VPS13C: variants seen among roughly 807,000 people sequenced by gnomAD.
VPS13C encodes the protein intermembrane lipid transfer protein VPS13C.
In VPS13C, 358 loss-of-function variants were observed where a neutral mutation model predicts 456.8. The observed-to-expected ratio is 0.78, with a 90% confidence interval of 0.72 to 0.86. VPS13C has a LOEUF of 0.86. Ranked by LOEUF, VPS13C falls within the 40% of genes least tolerant of loss-of-function variation. The pLI is 0.00. For missense variants in VPS13C, 4,818 were observed against 4,385.4 expected, an observed-to-expected ratio of 1.10 and a Z score of -2.79; for synonymous variants, 1,578 against 1,486.7, an observed-to-expected ratio of 1.06 and a Z score of -1.41.
chr15:62,033,384 T>C (rs140719173), intron 5 of VPS13C, 57 bp downstream of exon 5: 1 of 1,155,480 alleles, frequency 8.7e-7, no homozygotes, highest in Non-Finnish European at 1.2e-6. Flanking sequence ...CTTTAAAGGA[T>C]ATTAATTATA....
At chr15:61,981,651 G>A (rs371259770) in intron 21 of VPS13C, among the ~76,000 whole-genome samples, 173 bp from the exon 22 acceptor site, 1 of 152,188 alleles carries the variant, frequency 6.6e-6, no homozygotes, top group East Asian at 1.9e-4. Context: ...ACGAGGTCAG[G>A]AGATCGAGAC....
At chr15:62,041,830 A>C (rs1030680287) in intron 2 of VPS13C, among the ~76,000 whole-genome samples, 1 of 152,130 alleles carries the variant, frequency 6.6e-6, no homozygotes, top group Admixed American at 6.5e-5. Context: ...AAAAAAAAAA[A>C]TTATAACTTA....
intron 3 of VPS13C, among the ~76,000 whole-genome samples, chr15:62,037,461 T>TAATATAATAAAATTATTATATTGTAAG (rs2048097308): frequency 1.2e-5 from 1 of 81,746 alleles, no homozygotes. Context: ...TATATAAATA[T>TAATATAATAAAATTATTATATTGTAAG]AATATAATAA....
chr15:61,865,364 C>T, intron 81 of VPS13C: 1 of 980,218 alleles, frequency 1.0e-6, no homozygotes, highest in Non-Finnish European at 1.2e-6. Flanking sequence ...TGTAATGTCA[C>T]CTCAATAGAT....
intron 1 of VPS13C, among the ~76,000 whole-genome samples, chr15:62,052,466 G>A (rs968710017): frequency 6.6e-6 from 1 of 151,956 alleles, no homozygotes; most frequent in African/African-American, 2.4e-5. Context: ...ACAAGGTCAG[G>A]AGATCAAGAC....
chr15:62,013,916 T>G lies in VPS13C; in HGVS notation c.744+17A>C. On this transcript the variant is annotated intron_variant, in intron 10 of 84. Transcript: ENST00000644861. Reference sequence around the variant, plus strand: ...GCACCTAGGAAACTAACAAAAATTTTTATTCCAACATAATACCTTGTATAT... The same window carrying G: ...GCACCTAGGAAACTAACAAAAATTTGTATTCCAACATAATACCTTGTATAT... The G allele has an allele frequency of 6.3e-7, 1 of 1,583,786 alleles. No individual in the cohort carries two copies. The highest frequency in any genetic ancestry group is 8.6e-7 in the Non-Finnish European group (1 of 1,162,068).
At position 61,858,116 on chromosome 15, in the gene VPS13C, C is replaced by T. The variant is rs560252082; in HGVS notation, c.10953-1707G>A. ...GGCTGTCACAAATCCTCGTGCCAAA[C>T]ACAATTCACTATTCCAAATATCTTT... On this transcript the variant is annotated intron_variant, in intron 82 of 84. Coordinates refer to ENST00000644861, the MANE Select transcript of VPS13C (RefSeq NM_020821.3). This position sits in a 1 kb window ranked among gnomAD's most constrained non-coding sequence, Gnocchi z 4.4. 2.0e-4 allele frequency among the ~76,000 whole-genome samples: 30 copies of T among 152,284 alleles called. No homozygotes were observed. The highest frequency in any genetic ancestry group is 3.8e-4 in the Non-Finnish European group (26 of 68,024).
chr15:61,895,747 A>T (rs1429519159), intron 66 of VPS13C, among the ~76,000 whole-genome samples: 2 of 152,214 alleles, frequency 1.3e-5, no homozygotes, highest in Non-Finnish European at 2.9e-5. Context: ...GTGGTAGCTA[A>T]AAAACAGTTG....
At chr15:61,944,645 G>A (rs998070587) in intron 45 of VPS13C, among the ~76,000 whole-genome samples, 1 of 152,076 alleles carries the variant, frequency 6.6e-6, no homozygotes, top group South Asian at 2.1e-4. Context: ...AGAGAGGGAG[G>A]AAAGGGGGAA....
At chr15:62,018,391 T>C (rs1408317997) in intron 9 of VPS13C, among the ~76,000 whole-genome samples, 3 of 151,874 alleles carry the variant, frequency 2.0e-5, no homozygotes, top group African/African-American at 7.3e-5. Flanking sequence ...GCTTCCAGTT[T>C]TTGCCCATTC....
intron 46 of VPS13C, 122 bp downstream of exon 46, chr15:61,941,641 T>G: frequency 9.2e-7 from 1 of 1,087,306 alleles, no homozygotes. Flanking sequence ...TGGTCAAGGT[T>G]TCATAATTAG....
intron 81 of VPS13C, chr15:61,864,281 G>T: frequency 1.2e-6 from 1 of 822,258 alleles, no homozygotes; most frequent in Non-Finnish European, 1.5e-6. Flanking sequence ...AAACAAATAT[G>T]AGCATAAAAT....
intron 4 of VPS13C, among the ~76,000 whole-genome samples, chr15:62,034,179 A>G (rs903199984): frequency 2.0e-5 from 3 of 151,712 alleles, no homozygotes; most frequent in African/African-American, 7.2e-5. Context: ...AGAATACCAT[A>G]CAGCCTTTCA....
chr15:61,892,166 G>A (rs2042671773), intron 66 of VPS13C, among the ~76,000 whole-genome samples: 1 of 152,170 alleles, frequency 6.6e-6, no homozygotes, highest in South Asian at 2.1e-4. Flanking sequence ...CCCCAAGGGA[G>A]GCTACAGACA....
Position 62,020,677 on chromosome 15 carries a change from A to G in VPS13C, c.625-139T>C, listed in dbSNP as rs1052529915. On this transcript the variant is annotated intron_variant, in intron 8 of 84. Coordinates refer to ENST00000644861, the MANE Select transcript of VPS13C (RefSeq NM_020821.3). ...ATGGATTTGTGGAAAACACAGGGGA[A>G]GGAGGTAATAACATGGCTGGGATTA... 1.2e-5 allele frequency: 8 copies of G among 670,592 alleles called. No homozygotes were observed. In the Admixed American group the frequency reaches 2.7e-4, roughly 22 times the overall value. The allele number at this position is 670,592 out of a possible 1,614,324, so 41.5% of individuals were successfully genotyped here.
At position 61,945,732 on chromosome 15, in the gene VPS13C, A is replaced by G; in HGVS notation, c.5131T>C (p.Phe1711Leu). ...GCIQIVYVHK[F>L]FMSLLNFLNN... The stretch of plus-strand genomic sequence containing the variant: ...AAACTTACCAAAAGAGACATGAAGA[A>G]TTTATGAACATAAACAATCTGAATA... Residue 1711 changes from phenylalanine (F) to leucine (L), a missense_variant, in exon 45 of 85, where the codon TTC (phenylalanine) becomes CTC (leucine). Coordinates refer to ENST00000644861, the MANE Select transcript of VPS13C (RefSeq NM_020821.3). 6.3e-7 allele frequency: 1 copy of G among 1,587,884 alleles called. No homozygotes were observed. The highest frequency in any genetic ancestry group is 8.5e-7 in the Non-Finnish European group (1 of 1,172,408).
At chr15:62,011,959 T>C (rs1275277070) in intron 12 of VPS13C, 148 bp downstream of exon 12, 2 of 526,612 alleles carry the variant, frequency 3.8e-6, no homozygotes, top group Admixed American at 7.2e-5. Context: ...AAATAATAAG[T>C]TATAACCCAA....
At chr15:62,040,179 C>A (rs965577376) in intron 3 of VPS13C, among the ~76,000 whole-genome samples, 3 of 151,928 alleles carry the variant, frequency 2.0e-5, no homozygotes, top group African/African-American at 7.3e-5. Flanking sequence ...CTCATGGAGA[C>A]AGAGAGTAGA....
chr15:61,933,619 A>T (rs1319814717), intron 49 of VPS13C, among the ~76,000 whole-genome samples: 1 of 152,090 alleles, frequency 6.6e-6, no homozygotes, highest in African/African-American at 2.4e-5. Context: ...TAATATAATT[A>T]AAAATATTTA....
Sources: gnomAD v4.1 joint callset for allele counts (sites outside exome capture counted in the v4.1 genomes callset) on GRCh38, gnomAD v4.1.1 for gene constraint, Gnocchi (gnomAD v3.1) non-coding constraint, MANE v1.5 for transcripts, NCBI Gene and HGNC (gene_info 2026-07-23, HGNC 2026-07-21) for gene names.